PLEKHA7: variants seen among roughly 807,000 people sequenced by gnomAD.
PLEKHA7 encodes pleckstrin homology domain containing A7, also known as pleckstrin homology domain-containing family A member 7.
In PLEKHA7, 104 loss-of-function variants were observed where a neutral mutation model predicts 170.0. The ratio of observed to expected loss-of-function variants is 0.61; its 90% CI spans 0.52 to 0.72. The LOEUF (loss-of-function observed/expected upper bound fraction) is 0.72. Among genes scored for constraint, PLEKHA7 ranks in the 30% least tolerant of loss-of-function variants. PLEKHA7 has a pLI of 0.00. For missense variants in PLEKHA7, 1,615 were observed against 1,671.7 expected (o/e 0.97, Z 0.59); for synonymous variants, 648 against 660.8 (o/e 0.98, Z 0.30).
intron 3 of PLEKHA7, among the ~76,000 whole-genome samples, chr11:16,897,234 T>C (rs966877942): frequency 6.6e-6 from 1 of 152,096 alleles, no homozygotes; most frequent in Non-Finnish European, 1.5e-5. Context: ...TACAGCAAAT[T>C]CTTTGTTCTT....
intron 3 of PLEKHA7, among the ~76,000 whole-genome samples, chr11:17,002,998 T>C (rs1011411955): frequency 2.0e-5 from 3 of 150,242 alleles, no homozygotes; most frequent in African/African-American, 7.4e-5. Flanking sequence ...CCTTTTTTTT[T>C]TTTTTTTTTT....
At chr11:16,863,980 G>T (rs971561840) in intron 4 of PLEKHA7, among the ~76,000 whole-genome samples, 7 of 152,194 alleles carry the variant, frequency 4.6e-5, no homozygotes, top group African/African-American at 1.4e-4. Context: ...TTTCAAACAA[G>T]TGCAAAGTTA....
chr11:17,002,103 T>C (rs935699265), intron 3 of PLEKHA7, among the ~76,000 whole-genome samples: 2 of 152,216 alleles, frequency 1.3e-5, no homozygotes, highest in African/African-American at 2.4e-5. Flanking sequence ...CTCACAGTTC[T>C]GTGTGGGGAC....
At position 16,794,660 on chromosome 11, in the gene PLEKHA7, G is replaced by T. The variant is rs953255253; in HGVS notation, c.2573C>A (p.Ser858Tyr). The T allele has an allele frequency of 1.4e-5, 23 of 1,614,090 alleles. No individual in the cohort carries two copies. The Middle Eastern group carries it at 4.9e-4, about 35-fold the overall frequency. The change falls in exon 19 of 27, where the codon TCT (serine) becomes TAT (tyrosine). Residue 858 changes from serine to tyrosine, a missense_variant. Physicochemically the swap from Ser to Tyr is moderately radical, Grantham distance 144 (BLOSUM62 -2). Coordinates refer to ENST00000531066, the MANE Select transcript of PLEKHA7 (RefSeq NM_001329630.2). ...PHPPVPSLST[S>Y]ESKPPPQPSP... The stretch of plus-strand genomic sequence containing the variant: ...GGGCTGTGGGGGCGGCTTGCTCTCA[G>T]AAGTTGAGAGTGAAGGCACAGGCGG...
chr11:16,847,686 A>AC (rs1479345077), intron 8 of PLEKHA7, among the ~76,000 whole-genome samples: 2 of 151,778 alleles, frequency 1.3e-5, no homozygotes, highest in African/African-American at 2.4e-5. Context: ...AACAACAACA[A>AC]AAAAAATTAG....
intron 3 of PLEKHA7, among the ~76,000 whole-genome samples, chr11:16,903,692 C>T (rs1353811483): frequency 6.6e-6 from 1 of 152,166 alleles, no homozygotes; most frequent in East Asian, 1.9e-4. Context: ...TAAAGATAGG[C>T]TCTTCTCACA....
intron 17 of PLEKHA7, among the ~76,000 whole-genome samples, chr11:16,797,823 A>G (rs1213561998): frequency 6.6e-6 from 1 of 152,164 alleles, no homozygotes; most frequent in Non-Finnish European, 1.5e-5. Flanking sequence ...CTCCCTGGCA[A>G]AGCTCCCCTG....
At chr11:16,940,989 A>T (rs970816910) in intron 3 of PLEKHA7, among the ~76,000 whole-genome samples, 7 of 152,194 alleles carry the variant, frequency 4.6e-5, no homozygotes, top group Non-Finnish European at 1.0e-4. Context: ...CTCTCTGGAT[A>T]AACGATTCAG....
Position 16,813,119 on chromosome 11 carries a change from A to G in PLEKHA7, c.2001T>C (p.Asp667=). The G allele has an allele frequency of 1.2e-6, 2 of 1,613,494 alleles. No individual in the cohort carries two copies. Among genetic ancestry groups the G allele is most frequent in the Non-Finnish European group, 1.7e-6 (2 of 1,179,434 alleles). Residue 667 remains aspartate, a synonymous_variant, in exon 13 of 27, where the codon GAT becomes GAC. Transcript: ENST00000531066. ...GAACCCTGATGTCACTTACCTTTAGATCCAGGTACTCCAGGTCTTTCTTCA... is the reference window on the plus strand; with the variant it reads ...GAACCCTGATGTCACTTACCTTTAGGTCCAGGTACTCCAGGTCTTTCTTCA... ...LQLKKDLEYL[D]LKMTGRDLLK... is the part of the protein sequence containing the mutation.
intron 3 of PLEKHA7, among the ~76,000 whole-genome samples, chr11:16,953,073 G>A (rs1002590877): frequency 6.6e-6 from 1 of 152,238 alleles, no homozygotes; most frequent in African/African-American, 2.4e-5. Context: ...GACACAGGGA[G>A]GTCAAAGAAA....
intron 3 of PLEKHA7, among the ~76,000 whole-genome samples, chr11:16,978,233 T>C (rs1488127141): frequency 1.3e-5 from 2 of 152,254 alleles, no homozygotes; most frequent in Non-Finnish European, 2.9e-5. Flanking sequence ...TACAGCTTAA[T>C]ATCACTTAAT....
chr11:16,806,534 T>C (rs1463767811), intron 13 of PLEKHA7, among the ~76,000 whole-genome samples: 4 of 152,118 alleles, frequency 2.6e-5, no homozygotes, highest in Non-Finnish European at 5.9e-5. Context: ...CAACCCACTT[T>C]CTCAGGGCTC....
chr11:16,786,294 G>A lies in PLEKHA7; in HGVS notation c.3451C>T (p.Gln1151Ter), dbSNP rs1205433235. 1.3e-6 allele frequency: 2 copies of A among 1,536,010 alleles called. No individual in the cohort carries two copies. The highest frequency in any genetic ancestry group is 2.4e-5 in the East Asian group (1 of 40,916). The change falls in exon 24 of 27, where the codon CAG (glutamine) becomes TAG (stop). Residue 1151 changes from glutamine to a stop codon, truncating the protein, a stop_gained. Transcript: ENST00000531066. LOFTEE classifies it high-confidence loss of function. Reference protein sequence around the residue: ...DKEENGWLKVQAMPVTELDLE... With the variant: ...DKEENGWLKV ...TCCAACTCAGTGACAGGCATGGCCT[G>A]CACTTTCAACCAGCCATTCTCCTCC...
chr11:16,977,518 T>C (rs905622143), intron 3 of PLEKHA7, among the ~76,000 whole-genome samples: 1 of 152,184 alleles, frequency 6.6e-6, no homozygotes, highest in Non-Finnish European at 1.5e-5. Flanking sequence ...TAAGAATGAA[T>C]GACTTCAACC....
At chr11:16,847,387 C>T (rs1007014856) in intron 8 of PLEKHA7, among the ~76,000 whole-genome samples, 3 of 152,048 alleles carry the variant, frequency 2.0e-5, no homozygotes, top group Non-Finnish European at 4.4e-5. Flanking sequence ...CCACCACGCC[C>T]GGCCAACTGT....
chr11:16,883,014 C>A (rs1276884603), intron 3 of PLEKHA7, among the ~76,000 whole-genome samples: 1 of 152,052 alleles, frequency 6.6e-6, no homozygotes, highest in Non-Finnish European at 1.5e-5. Flanking sequence ...GAAACTGAGG[C>A]CCAAAGGAGT....
chr11:16,878,277 G>A (rs995922549), intron 3 of PLEKHA7, among the ~76,000 whole-genome samples: 3 of 152,000 alleles, frequency 2.0e-5, no homozygotes, highest in Non-Finnish European at 4.4e-5. Context: ...GGCTCTTTCT[G>A]CTTCTACCTT....
At chr11:16,861,478 G>A (rs927262401) in intron 4 of PLEKHA7, among the ~76,000 whole-genome samples, 13 of 151,958 alleles carry the variant, frequency 8.6e-5, no homozygotes, top group Non-Finnish European at 1.5e-5. Context: ...ATGAGACCCC[G>A]TCTCTATGAA....
At chr11:16,925,246 C>T (rs1246452737) in intron 3 of PLEKHA7, among the ~76,000 whole-genome samples, 1 of 152,212 alleles carries the variant, frequency 6.6e-6, no homozygotes, top group Non-Finnish European at 1.5e-5. Flanking sequence ...TTAACAAGAA[C>T]GCAGTCTGTA....
Sources: allele counts gnomAD v4.1 joint callset (sites outside exome capture counted in the v4.1 genomes callset), GRCh38; gene constraint gnomAD v4.1.1; transcripts MANE v1.5; gene names NCBI Gene and HGNC (gene_info 2026-07-23, HGNC 2026-07-21).